GRIK1: variants seen among roughly 807,000 people sequenced by gnomAD.
The protein encoded by GRIK1 is glutamate receptor ionotropic, kainate 1.
A neutral mutation model predicts 105.7 loss-of-function variants in GRIK1; 69 were observed. That is an observed-to-expected ratio of 0.65 (90% CI 0.54 to 0.80). GRIK1 has a LOEUF of 0.80. GRIK1 is among the 30% of genes least tolerant of loss of function. The probability of loss-of-function intolerance (pLI) is 0.00; values close to 1 mark genes in which losing one functional copy is unlikely to be tolerated. For missense variants in GRIK1, 1,109 were observed against 1,167.3 expected (o/e 0.95, Z 0.73); for synonymous variants, 438 against 431.3 (o/e 1.02, Z -0.19).
rs546101654 is a variant in GRIK1, at chr21:29,666,129, C to A, written c.726+6854G>T. ...GTGAAAAATAAATAAATAAGCCAGG[C>A]TTGGTGGCTCACGCCTGTAATCCCA... On this transcript the variant is annotated intron_variant, in intron 4 of 17. Coordinates refer to ENST00000327783, the MANE Select transcript of GRIK1 (RefSeq NM_001330994.2). Among the ~76,000 whole-genome samples, 8 of 152,298 alleles carry A rather than the reference C, an allele frequency of 5.3e-5. No individual in the cohort carries two copies. The East Asian group carries it at 1.5e-3, about 29-fold the overall frequency.
chr21:29,548,573 C>G (rs1264922587), intron 16 of GRIK1, among the ~76,000 whole-genome samples: 4 of 152,004 alleles, frequency 2.6e-5, no homozygotes. Flanking sequence ...ATAAGTAAGA[C>G]TGCTTTGCTT....
chr21:29,793,448 T>A (rs565337156), intron 1 of GRIK1, among the ~76,000 whole-genome samples: 2 of 152,112 alleles, frequency 1.3e-5, no homozygotes, highest in Admixed American at 1.3e-4. Context: ...GTGCATGCTC[T>A]CTCTCTCTCT....
At chr21:29,827,041 T>G (rs1020447410) in intron 1 of GRIK1, among the ~76,000 whole-genome samples, 1 of 152,128 alleles carries the variant, frequency 6.6e-6, no homozygotes, top group Non-Finnish European at 1.5e-5. Flanking sequence ...GTGATTCAGC[T>G]AGATCATGAG....
At chr21:29,924,334 C>CA (rs1226055845) in intron 1 of GRIK1, among the ~76,000 whole-genome samples, 5,376 of 79,532 alleles carry the variant, frequency 0.068, 281 homozygotes, top group African/African-American at 0.19. Flanking sequence ...GAGACTGGCT[C>CA]AAAAAAAAAA....
At chr21:29,738,008 A>G (rs915408006) in intron 1 of GRIK1, among the ~76,000 whole-genome samples, 2 of 152,096 alleles carry the variant, frequency 1.3e-5, no homozygotes, top group Admixed American at 6.6e-5. Flanking sequence ...TAGGAAGCAA[A>G]TCTCCCCCAC....
chr21:29,796,137 A>T (rs2066549728), intron 1 of GRIK1, among the ~76,000 whole-genome samples: 2 of 152,224 alleles, frequency 1.3e-5, no homozygotes, highest in African/African-American at 2.4e-5. Flanking sequence ...TTATTAAGAA[A>T]GTTTATGAAA....
At chr21:29,804,517 A>C (rs1236284571) in intron 1 of GRIK1, among the ~76,000 whole-genome samples, 1 of 152,200 alleles carries the variant, frequency 6.6e-6, no homozygotes, top group African/African-American at 2.4e-5. Flanking sequence ...TACAATGAAT[A>C]TAGAAGAAGC....
At chr21:29,551,113 ATC>A (rs1410096106) in intron 16 of GRIK1, among the ~76,000 whole-genome samples, 3 of 152,230 alleles carry the variant, frequency 2.0e-5, no homozygotes, top group African/African-American at 7.2e-5. Context: ...GGGGAAAAAA[ATC>A]TGCAATCTAA....
chr21:29,841,520 C>G (rs1224515174), intron 1 of GRIK1, among the ~76,000 whole-genome samples: 4 of 152,148 alleles, frequency 2.6e-5, no homozygotes, highest in Non-Finnish European at 5.9e-5. Context: ...CCTATTCACT[C>G]TTTTGCCCCA....
intron 9 of GRIK1, 112 bp downstream of exon 9, chr21:29,596,414 A>G (rs1203872486): frequency 1.3e-6 from 1 of 798,340 alleles, no homozygotes; most frequent in African/African-American, 1.7e-5. Flanking sequence ...CTTCCCTTCT[A>G]AACTGCAATT....
rs1365144811 is a variant in GRIK1 at position 29,618,271 on chromosome 21, AT to A, written c.1099-19335del. On this transcript the variant is annotated intron_variant, in intron 7 of 17. Transcript: ENST00000327783. The stretch of plus-strand genomic sequence containing the variant: ...ACTTTTGATTCACTGAGGGCAGGGC[AT>A]TCGGGCTTCATGAATGCAAATCCAA... Among the ~76,000 whole-genome samples the A allele has an allele frequency of 1.2e-4, 19 of 152,324 alleles. 1 individual carries two copies. The highest frequency in any genetic ancestry group is 4.3e-4 in the African/African-American group (18 of 41,566).
At chr21:29,564,996 TAGA>T (rs1478485497) in intron 14 of GRIK1, among the ~76,000 whole-genome samples, 2 of 152,114 alleles carry the variant, frequency 1.3e-5, no homozygotes, top group East Asian at 1.9e-4. Flanking sequence ...CTTCTTGGAG[TAGA>T]AGGTTGTTCT....
intron 4 of GRIK1, among the ~76,000 whole-genome samples, chr21:29,665,759 G>T (rs768524123): frequency 6.6e-6 from 1 of 152,198 alleles, no homozygotes; most frequent in Non-Finnish European, 1.5e-5. Context: ...ATTTCTCAAA[G>T]TTGCCTGTTT....
At chr21:29,618,301 A>G (rs1391318455) in intron 7 of GRIK1, among the ~76,000 whole-genome samples, 1 of 152,196 alleles carries the variant, frequency 6.6e-6, no homozygotes, top group Non-Finnish European at 1.5e-5. Context: ...AATCCAAACC[A>G]CAATGCGATA....
At chr21:29,660,208 T>A (rs1568944530) in intron 4 of GRIK1, among the ~76,000 whole-genome samples, 1 of 152,180 alleles carries the variant, frequency 6.6e-6, no homozygotes, top group Non-Finnish European at 1.5e-5. Context: ...GCCTAGTTGT[T>A]CTTGGCAATG....
chr21:29,612,869 A>G (rs1244746014), intron 7 of GRIK1, among the ~76,000 whole-genome samples: 2 of 152,236 alleles, frequency 1.3e-5, no homozygotes, highest in African/African-American at 4.8e-5. Context: ...CATTGTAAAC[A>G]AGACACTTTC....
intron 1 of GRIK1, among the ~76,000 whole-genome samples, chr21:29,864,763 G>GT (rs1321412861): frequency 6.6e-6 from 1 of 152,030 alleles, no homozygotes; most frequent in Admixed American, 6.6e-5. Flanking sequence ...TTGTCCATCA[G>GT]TTCTTAAGTA....
rs145045702 is a variant in GRIK1, at chr21:29,890,059, A to C, written c.118+49324T>G. ...AAGATTTATCTGTCATTTGACAATA[A>C]GTCATGTGATACTGTTTGTCTGAAT... On this transcript the variant is annotated intron_variant, in intron 1 of 17. Transcript: ENST00000327783. Among the ~76,000 whole-genome samples the C allele has an allele frequency of 3.8e-3, 585 of 152,230 alleles. 3 individuals carry two copies. Among genetic ancestry groups the C allele is most frequent in the African/African-American group, 0.014 (564 of 41,568 alleles).
intron 1 of GRIK1, among the ~76,000 whole-genome samples, chr21:29,815,259 C>T (rs2067125365): frequency 6.6e-6 from 1 of 152,154 alleles, no homozygotes; most frequent in Non-Finnish European, 1.5e-5. Context: ...CTTATCCAGT[C>T]CTTTCCTAAC....
Sources: allele counts gnomAD v4.1 joint callset (sites outside exome capture counted in the v4.1 genomes callset), GRCh38; gene constraint gnomAD v4.1.1; transcripts MANE v1.5; gene names NCBI Gene and HGNC (gene_info 2026-07-23, HGNC 2026-07-21).